Variants in TMCC1 observed in about 807,000 individuals in gnomAD.
TMCC1 encodes the protein transmembrane and coiled-coil domains protein 1.
In TMCC1, 15 loss-of-function variants were observed where a neutral mutation model predicts 52.4. The observed-to-expected ratio is 0.29, with a 90% CI of 0.19 to 0.44. The LOEUF (loss-of-function observed/expected upper bound fraction) is 0.44. TMCC1 is among the 20% of genes least tolerant of loss of function. The pLI is 1.00. For missense variants in TMCC1, 503 were observed against 806.0 expected, an observed-to-expected ratio of 0.62 and a Z score of 4.55; for synonymous variants, 279 against 301.9, an observed-to-expected ratio of 0.92 and a Z score of 0.79.
chr3:129,750,966 G>A (rs961927746), intron 4 of TMCC1, among the ~76,000 whole-genome samples: 2 of 151,980 alleles, frequency 1.3e-5, no homozygotes, highest in Non-Finnish European at 2.9e-5. Flanking sequence ...TTGGGAGGCC[G>A]AGGCAGGCAG....
At chr3:129,850,323 T>G (rs1365474112) in intron 2 of TMCC1, among the ~76,000 whole-genome samples, 1 of 152,206 alleles carries the variant, frequency 6.6e-6, no homozygotes, top group Non-Finnish European at 1.5e-5. Context: ...AGAAGAGAGA[T>G]TATTTTATAC....
chr3:129,694,924 A>G (rs1226783081), intron 4 of TMCC1, among the ~76,000 whole-genome samples: 1 of 151,544 alleles, frequency 6.6e-6, no homozygotes, highest in Non-Finnish European at 1.5e-5. Context: ...TGGGGTTTGG[A>G]TTGGGATGGC....
At chr3:129,866,241 T>C (rs957832364) in intron 2 of TMCC1, among the ~76,000 whole-genome samples, 6 of 146,284 alleles carry the variant, frequency 4.1e-5, no homozygotes, top group African/African-American at 1.0e-4. Context: ...TATACATACA[T>C]ACATATATAT....
At chr3:129,817,780 T>C (rs375602453) in intron 4 of TMCC1, among the ~76,000 whole-genome samples, 1 of 152,080 alleles carries the variant, frequency 6.6e-6, no homozygotes, top group African/African-American at 2.4e-5. Flanking sequence ...CCCAAGGAGC[T>C]GGAATTACAG....
intron 4 of TMCC1, among the ~76,000 whole-genome samples, chr3:129,708,771 G>T (rs950255903): frequency 5.9e-5 from 9 of 152,100 alleles, no homozygotes; most frequent in Admixed American, 2.0e-4. Context: ...CACTTATTCA[G>T]TTACAAATAA....
chr3:129,815,825 A>C (rs1252054229), intron 4 of TMCC1, among the ~76,000 whole-genome samples: 3 of 152,240 alleles, frequency 2.0e-5, no homozygotes, highest in Non-Finnish European at 2.9e-5. Flanking sequence ...ACAGAATGGG[A>C]GAAAATATTT....
intron 4 of TMCC1, among the ~76,000 whole-genome samples, chr3:129,773,957 T>A (rs147314312): frequency 1.0e-3 from 157 of 152,132 alleles, no homozygotes; most frequent in African/African-American, 3.4e-3. Context: ...AACTAAAATT[T>A]AAAAAATTAT....
chr3:129,866,089 C>G (rs75906595), intron 2 of TMCC1, among the ~76,000 whole-genome samples: 1 of 151,632 alleles, frequency 6.6e-6, no homozygotes, highest in Non-Finnish European at 1.5e-5. Context: ...TGGAATACAC[C>G]CACTATTCTG....
chr3:129,761,457 G>A (rs1053238312), intron 4 of TMCC1, among the ~76,000 whole-genome samples: 1 of 151,918 alleles, frequency 6.6e-6, no homozygotes, highest in Non-Finnish European at 1.5e-5. Context: ...CGCCCAGGCT[G>A]GAGTGCACTG....
chr3:129,706,675 A>T (rs2048269544), intron 4 of TMCC1, among the ~76,000 whole-genome samples: 1 of 152,244 alleles, frequency 6.6e-6, no homozygotes, highest in Non-Finnish European at 1.5e-5. Flanking sequence ...TAGAAGTGAA[A>T]TTAGGACCAA....
intron 4 of TMCC1, among the ~76,000 whole-genome samples, chr3:129,788,732 TGCTGGGATTACAG>T (rs1426372922): frequency 6.6e-6 from 1 of 151,874 alleles, no homozygotes; most frequent in Non-Finnish European, 1.5e-5. Context: ...CCTTCCAAAG[TGCTGGGATTACAG>T]GCGTGAGCCA....
intron 4 of TMCC1, among the ~76,000 whole-genome samples, chr3:129,674,092 T>C (rs1052300399): frequency 6.6e-6 from 1 of 152,226 alleles, no homozygotes; most frequent in Non-Finnish European, 1.5e-5. Context: ...CCAGGCGTTA[T>C]ACCATCTAGG....
rs906274083 is a variant in TMCC1 at position 129,649,921 on chromosome 3, A to G, written c.*1560T>C. 6.6e-6 allele frequency: 1 copy of G among 152,588 alleles called. No individual in the cohort carries two copies. The highest frequency in any genetic ancestry group is 1.5e-5 in the Non-Finnish European group (1 of 68,030). The allele number at this position is 152,588 out of a possible 1,614,324, so 9.5% of individuals were successfully genotyped here. A position where few individuals can be genotyped will look rare whatever the true frequency, so the allele number is the denominator to read the frequency against. ...GCAGCTCAGTTCATTTTTCAAAACC[A>G]TCTATAGAAGTCCACTGAGCATAAT... On this transcript the variant is annotated 3_prime_UTR_variant, in exon 7 of 7. Transcript: ENST00000393238.
At position 129,648,891 on chromosome 3, in the gene TMCC1, T is replaced by A. The variant is rs1423771173; in HGVS notation, c.*2590A>T. On this transcript the variant is annotated 3_prime_UTR_variant, in exon 7 of 7. Transcript: ENST00000393238. ...AACAGATGCATGGTTACAAACAGCA[T>A]TAAATGCGTACAACTTCTGGGTCTG... is the stretch of plus-strand genomic sequence containing the variant. The A allele has an allele frequency of 6.6e-6, 1 of 152,172 alleles. No individual in the cohort carries two copies. The highest frequency in any genetic ancestry group is 1.5e-5 in the Non-Finnish European group (1 of 68,042). 9.4% of individuals were successfully genotyped at this position (152,172 alleles called of 1,614,324 possible).
chr3:129,701,843 A>G (rs2047859203), intron 4 of TMCC1, among the ~76,000 whole-genome samples: 2 of 152,196 alleles, frequency 1.3e-5, no homozygotes, highest in African/African-American at 4.8e-5. Context: ...CCATGATGGT[A>G]GTACCACCTC....
At chr3:129,668,296 A>G (rs965052055) in intron 5 of TMCC1, among the ~76,000 whole-genome samples, 1 of 152,234 alleles carries the variant, frequency 6.6e-6, no homozygotes. Context: ...AGTGGGGTTA[A>G]CAGCATCTGT....
chr3:129,878,088 A>G (rs1054216186), intron 2 of TMCC1, among the ~76,000 whole-genome samples: 4 of 151,576 alleles, frequency 2.6e-5, no homozygotes, highest in Non-Finnish European at 5.9e-5. Flanking sequence ...CCTCCCAAGT[A>G]GCTGGGATTA....
chr3:129,672,962 T>C (rs192657818), intron 4 of TMCC1, among the ~76,000 whole-genome samples: 29 of 152,278 alleles, frequency 1.9e-4, no homozygotes, highest in Admixed American at 7.2e-4. Flanking sequence ...TAGTTCATTA[T>C]TGAATTCAAT....
At chr3:129,893,240 CA>C (rs2062060260) in intron 1 of TMCC1, 1 of 152,368 alleles carries the variant, frequency 6.6e-6, no homozygotes, top group Non-Finnish European at 1.5e-5. Flanking sequence ...AACCCCAGGT[CA>C]AAATGACAGC....
Sources: allele counts gnomAD v4.1 joint callset (sites outside exome capture counted in the v4.1 genomes callset), GRCh38; gene constraint gnomAD v4.1.1; transcripts MANE v1.5; gene names NCBI Gene and HGNC (gene_info 2026-07-23, HGNC 2026-07-21).